PRR14L: variants seen among roughly 807,000 people sequenced by gnomAD.
The protein encoded by PRR14L is protein PRR14L.
PRR14L carries 80 observed loss-of-function variants against 155.0 expected under a neutral mutation model. That is an observed-to-expected ratio of 0.52 (90% CI 0.43 to 0.62). PRR14L has a LOEUF of 0.62. PRR14L is among the 20% of genes least tolerant of loss of function. The pLI, the probability that PRR14L is intolerant of heterozygous loss-of-function variation, is 0.00. For missense variants in PRR14L, 2,469 were observed against 2,548.0 expected (o/e 0.97, Z 0.67); for synonymous variants, 883 against 916.0 (o/e 0.96, Z 0.65).
In PRR14L at chr22:31,713,496, G is replaced by C. The variant is rs1430816860; in HGVS notation, c.4343C>G (p.Thr1448Ser). ...GCTGTCCTTGGCCAGCTTTGCTAGG[G>C]TGATTTCATTGATCATGGTGGACTC... The part of the protein sequence containing the change: ...KDESTMINEI[T>S]LAKLAKDSIV... The change falls in exon 4 of 9, where the codon ACC becomes AGC. Residue 1448 changes from threonine (T) to serine (S), a missense_variant. Around this residue, in one of 2 missense-constraint regions of PRR14L, gnomAD observed 2,363 missense variants for 2,371.6 expected, o/e 1.00. Transcript: ENST00000327423. The C allele has an allele frequency of 1.9e-6, 3 of 1,552,028 alleles. No homozygotes were observed. The highest frequency in any genetic ancestry group is 2.4e-5 in the South Asian group (2 of 84,056).
chr22:31,717,910 C>T (rs2074668831), intron 3 of PRR14L, among the ~76,000 whole-genome samples: 1 of 151,726 alleles, frequency 6.6e-6, no homozygotes, highest in Non-Finnish European at 1.5e-5. Flanking sequence ...TAGGTGCCTG[C>T]AACCACCCCC....
chr22:31,725,134 G>A (rs1205650895), intron 3 of PRR14L, among the ~76,000 whole-genome samples: 3 of 152,170 alleles, frequency 2.0e-5, no homozygotes, highest in African/African-American at 7.2e-5. Flanking sequence ...GGTGGCTCAT[G>A]CCTGTAATCC....
intron 2 of PRR14L, among the ~76,000 whole-genome samples, chr22:31,737,031 C>CAAAAAAAA (rs10589286): frequency 1.8e-4 from 9 of 49,852 alleles, no homozygotes; most frequent in African/African-American, 7.4e-4. Context: ...GTGAGAGACT[C>CAAAAAAAA]AAAAAAAAAA....
In PRR14L at chr22:31,685,539, T is replaced by C. The variant is rs1486034060; in HGVS notation, c.6444A>G (p.Ser2148=). Residue 2148 remains serine (S), a synonymous_variant, in exon 9 of 9, where the codon TCA becomes TCG. Transcript: ENST00000327423. ...FFAKEEEQEQ[S]SGC is the part of the protein sequence containing the mutation. ...ACTGAATCGCTTCTCAACAGCCTGA[T>C]GATTGTTCCTGCTCCTCTTCCTTGG... The C allele has an allele frequency of 2.6e-6, 4 of 1,549,890 alleles. No individual in the cohort carries two copies. The South Asian group carries it at 3.6e-5, about 14-fold the overall frequency.
At chr22:31,725,503 G>C in intron 3 of PRR14L, 35 bp downstream of exon 3, 1 of 1,369,770 alleles carries the variant, frequency 7.3e-7, no homozygotes, top group Non-Finnish European at 1.0e-6. Flanking sequence ...TTTGCAGTAA[G>C]TGGATAAAGG....
chr22:31,708,544 C>T (rs2074603469), intron 4 of PRR14L, among the ~76,000 whole-genome samples: 2 of 151,924 alleles, frequency 1.3e-5, no homozygotes, highest in African/African-American at 4.8e-5. Flanking sequence ...CTAGGCTGGT[C>T]CTGAATTCCT....
At position 31,723,858 on chromosome 22, in the gene PRR14L, C is replaced by T. The variant is rs557143658; in HGVS notation, c.547+1680G>A. Among the ~76,000 whole-genome samples, 6 of 152,316 alleles carry T rather than the reference C, an allele frequency of 3.9e-5. No homozygotes were observed. The East Asian group carries it at 7.7e-4, about 20-fold the overall frequency. On this transcript the variant is annotated intron_variant, in intron 3 of 8. Transcript: ENST00000327423. ...AAAATAGTCATATAATTTAATGCAG[C>T]AGTCCCCAACCCTGGGCCATGGACC...
At chr22:31,699,205 G>A (rs769591466) in intron 7 of PRR14L, among the ~76,000 whole-genome samples, 2 of 151,780 alleles carry the variant, frequency 1.3e-5, no homozygotes, top group Non-Finnish European at 2.9e-5. Context: ...GCCTGGCTAA[G>A]TTTTGTATTT....
At chr22:31,735,011 A>G (rs1323351244) in intron 2 of PRR14L, among the ~76,000 whole-genome samples, 1 of 152,192 alleles carries the variant, frequency 6.6e-6, no homozygotes, top group Non-Finnish European at 1.5e-5. Flanking sequence ...GTTTCTTTTC[A>G]ATTGTGGAGA....
At position 31,703,717 on chromosome 22, in the gene PRR14L, C is replaced by A; in HGVS notation, c.5833G>T (p.Glu1945Ter). 1 of 1,583,908 alleles carries A rather than the reference C, an allele frequency of 6.3e-7. No individual in the cohort carries two copies. The highest frequency in any genetic ancestry group is 8.6e-7 in the Non-Finnish European group (1 of 1,163,930). Residue 1945 changes from glutamate (E) to a stop codon, truncating the protein, a stop_gained, in exon 6 of 9, where the codon GAG becomes TAG. Transcript: ENST00000327423. LOFTEE classifies it high-confidence loss of function. ...YNTSGSQTRL[E>*]PPFPALVPKS... Reference sequence around the variant, plus strand: ...GGTACCAAGGCAGGGAATGGAGGCTCCAGCCTAGCACCATGAAGAGAAAGA... The same window carrying A: ...GGTACCAAGGCAGGGAATGGAGGCTACAGCCTAGCACCATGAAGAGAAAGA...
At chr22:31,741,986 T>C (rs540005379) in intron 1 of PRR14L, among the ~76,000 whole-genome samples, 1 of 152,310 alleles carries the variant, frequency 6.6e-6, no homozygotes, top group Non-Finnish European at 1.5e-5. Context: ...AGGCCATTTA[T>C]GTATGTGTAA....
chr22:31,734,805 A>G, intron 2 of PRR14L, among the ~76,000 whole-genome samples: 1 of 152,216 alleles, frequency 6.6e-6, no homozygotes, highest in East Asian at 1.9e-4. Flanking sequence ...ACACATGACA[A>G]CAACAGGAAA....
chr22:31,731,636 T>C (rs2074750992), intron 2 of PRR14L, among the ~76,000 whole-genome samples: 1 of 150,984 alleles, frequency 6.6e-6, no homozygotes, highest in South Asian at 2.1e-4. Flanking sequence ...TCAGGGTTCA[T>C]GTTTGCCACC....
chr22:31,712,166 A>G lies in PRR14L; in HGVS notation c.5673T>C (p.His1891=), dbSNP rs765137633. The change falls in exon 4 of 9, where the codon CAT becomes CAC. Residue 1891 remains histidine, a synonymous_variant. Coordinates refer to ENST00000327423, the MANE Select transcript of PRR14L (RefSeq NM_173566.3). The part of the protein sequence containing the change: ...VGRVLSIWSQ[H]GPSVCSFEIS... ...TTTCGAAGGAGCAGACAGAAGGACC[A>G]TGCTGGCTCCAAATGGATAGGACTC... The G allele has an allele frequency of 1.9e-6, 3 of 1,614,078 alleles. No homozygotes were observed. The highest frequency in any genetic ancestry group is 2.2e-5 in the East Asian group (1 of 44,896).
chr22:31,732,992 T>C (rs1353485718), intron 2 of PRR14L, among the ~76,000 whole-genome samples: 1 of 151,696 alleles, frequency 6.6e-6, no homozygotes, highest in African/African-American at 2.4e-5. Flanking sequence ...GTGTATCTTT[T>C]TTTTTTTTTT....
At chr22:31,689,080 A>T (rs5994423) in intron 7 of PRR14L, among the ~76,000 whole-genome samples, 1 of 152,150 alleles carries the variant, frequency 6.6e-6, no homozygotes, top group Non-Finnish European at 1.5e-5. Context: ...ATGGTTTTAA[A>T]TTTTTTAAAG....
rs749082419 is a variant in PRR14L at position 31,712,436 on chromosome 22, T to C, written c.5403A>G (p.Gln1801=). The part of the protein sequence containing the change: ...QAPPQPPAPL[Q]DYGGTAIVQT... Reference sequence around the variant, plus strand: ...GGACTATGGCAGTGCCTCCATAGTCTTGGAGAGGAGCTGGAGGCTGGGGAG... The same window carrying C: ...GGACTATGGCAGTGCCTCCATAGTCCTGGAGAGGAGCTGGAGGCTGGGGAG... The change falls in exon 4 of 9, where the codon CAA becomes CAG. Residue 1801 remains glutamine (Q), a synonymous_variant. Coordinates refer to ENST00000327423, the MANE Select transcript of PRR14L (RefSeq NM_173566.3). 6.4e-7 allele frequency: 1 copy of C among 1,563,248 alleles called. No individual in the cohort carries two copies. Among genetic ancestry groups the C allele is most frequent in the African/African-American group, 1.4e-5 (1 of 73,582 alleles).
At position 31,717,065 on chromosome 22, in the gene PRR14L, C is replaced by A. The variant is rs1209435891; in HGVS notation, c.774G>T (p.Val258=). 4.5e-6 allele frequency: 7 copies of A among 1,551,848 alleles called. No homozygotes were observed. The South Asian group carries it at 8.3e-5, about 18-fold the overall frequency. Residue 258 remains valine, a synonymous_variant, in exon 4 of 9, where the codon GTG becomes GTT. Coordinates refer to ENST00000327423, the MANE Select transcript of PRR14L (RefSeq NM_173566.3). The part of the protein sequence containing the change: ...TLVTPEPLTF[V]DPVLTEATPK... ...GAGTTGCTTCTGTTAATACAGGGTC[C>A]ACAAAGGTTAAAGGTTCTGGGGTAA...
chr22:31,711,107 G>C (rs934491613), intron 4 of PRR14L, among the ~76,000 whole-genome samples: 1 of 152,194 alleles, frequency 6.6e-6, no homozygotes, highest in Non-Finnish European at 1.5e-5. Flanking sequence ...TGTTACAAGC[G>C]ATTGTGTGTT....
Sources: allele counts gnomAD v4.1 joint callset (sites outside exome capture counted in the v4.1 genomes callset), GRCh38; gene constraint gnomAD v4.1.1; regional missense constraint gnomAD v4.1.1; transcripts MANE v1.5; gene names NCBI Gene and HGNC (gene_info 2026-07-23, HGNC 2026-07-21).